Variants in WARS1 observed in about 807,000 individuals in gnomAD.
The protein encoded by WARS1 is tryptophan--tRNA ligase, cytoplasmic.
A neutral mutation model predicts 47.8 loss-of-function variants in WARS1; 17 were observed. The observed-to-expected ratio is 0.36, with a 90% CI of 0.24 to 0.53. The LOEUF (loss-of-function observed/expected upper bound fraction) is 0.53. WARS1 is among the 20% of genes least tolerant of loss of function. WARS1 has a pLI of 0.91. For missense variants in WARS1, 434 were observed against 608.0 expected (o/e 0.71, Z 3.01); for synonymous variants, 208 against 228.1 (o/e 0.91, Z 0.79).
chr14:100,344,023 GCCACCTT>G (rs1595415526), intron 7 of WARS1, among the ~76,000 whole-genome samples: 2 of 151,836 alleles, frequency 1.3e-5, no homozygotes, highest in African/African-American at 4.8e-5. Context: ...CCATTCTCTA[GCCACCTT>G]CCACCTTTAA....
chr14:100,334,762 C>G lies in WARS1; in HGVS notation c.*113G>C. On this transcript the variant is annotated 3_prime_UTR_variant, in exon 11 of 11. Transcript: ENST00000392882. ...CATACACAGGCTTACAGAGGCCAGGCCCAGTAATTACCATGAGACAGAAGC... is the reference window on the plus strand; with the variant it reads ...CATACACAGGCTTACAGAGGCCAGGGCCAGTAATTACCATGAGACAGAAGC... 1 of 1,288,548 alleles carries G rather than the reference C, an allele frequency of 7.8e-7. No homozygotes were observed. Among genetic ancestry groups the G allele is most frequent in the Non-Finnish European group, 1.1e-6 (1 of 923,250 alleles). The allele number at this position is 1,288,548 out of a possible 1,614,324, so 79.8% of individuals were successfully genotyped here. A position where few individuals can be genotyped will look rare whatever the true frequency, so the allele number is the denominator to read the frequency against.
At chr14:100,367,028 T>A in intron 2 of WARS1, 1 of 829,844 alleles carries the variant, frequency 1.2e-6, no homozygotes, top group East Asian at 2.7e-5. Flanking sequence ...TTAGTAAGAT[T>A]TAATACAGTA....
intron 4 of WARS1, 39 bp from the exon 5 acceptor site, chr14:100,354,605 G>C: frequency 6.4e-7 from 1 of 1,571,446 alleles, no homozygotes; most frequent in Non-Finnish European, 8.6e-7. Flanking sequence ...GTGATTTTCT[G>C]AGAAAAATAT....
rs758831134 is a variant in WARS1, at chr14:100,334,834, C to G, written c.*41G>C. The G allele has an allele frequency of 4.4e-6, 7 of 1,604,394 alleles. No individual in the cohort carries two copies. Among genetic ancestry groups the G allele is most frequent in the Non-Finnish European group, 6.0e-6 (7 of 1,173,854 alleles). Reference sequence around the variant, plus strand: ...CTGGGCTGGGATTATTGATACATTACTGATACATCACTTCTTTTATAAGCA... The same window carrying G: ...CTGGGCTGGGATTATTGATACATTAGTGATACATCACTTCTTTTATAAGCA... On this transcript the variant is annotated 3_prime_UTR_variant, in exon 11 of 11. Coordinates refer to ENST00000392882, the MANE Select transcript of WARS1 (RefSeq NM_004184.4).
intron 6 of WARS1, among the ~76,000 whole-genome samples, chr14:100,347,550 G>A (rs762794022): frequency 4.6e-5 from 7 of 152,154 alleles, no homozygotes; most frequent in Non-Finnish European, 8.8e-5. Context: ...ACAGTGGGGT[G>A]TAGGGGTTTG....
At chr14:100,343,442 T>C in intron 7 of WARS1, 55 bp from the exon 8 acceptor site, 1 of 1,343,828 alleles carries the variant, frequency 7.4e-7, no homozygotes, top group South Asian at 1.3e-5. Context: ...TTCTGCTTAG[T>C]TAATAAAGGA....
At chr14:100,339,620 A>T (rs1019189149) in intron 9 of WARS1, among the ~76,000 whole-genome samples, 7 of 151,650 alleles carry the variant, frequency 4.6e-5, no homozygotes, top group Admixed American at 4.6e-4. Flanking sequence ...GGAAAAAAAA[A>T]GTTATAGAAT....
intron 1 of WARS1, among the ~76,000 whole-genome samples, chr14:100,372,466 G>A (rs1225984904): frequency 6.6e-6 from 1 of 152,166 alleles, no homozygotes; most frequent in Non-Finnish European, 1.5e-5. Context: ...CCCAGAAAGG[G>A]AGGTTTGGTG....
Position 100,354,469 on chromosome 14 carries a change from G to A in WARS1, c.520C>T (p.Leu174Phe), listed in dbSNP as rs1191342508. 2 of 1,613,836 alleles carry A rather than the reference G, an allele frequency of 1.2e-6. No homozygotes were observed. The highest frequency in any genetic ancestry group is 1.7e-5 in the Admixed American group (1 of 59,936). ...PSSEAMHVGHLIPFIFTKWLQ... is the reference protein window; with the variant it reads ...PSSEAMHVGHFIPFIFTKWLQ... ...TACTTTGTGAAAATAAATGGAATGA[G>A]GTGACCTACATGCATTGCTTCAGAA... Residue 174 changes from leucine (L) to phenylalanine (F), a missense_variant, in exon 5 of 11, where the codon CTC (leucine) becomes TTC (phenylalanine). By Grantham distance (22) the Leu-to-Phe change is conservative. Around this residue, in one of 2 missense-constraint regions of WARS1, gnomAD observed 347 missense variants for 523.8 expected, o/e 0.66. Coordinates refer to ENST00000392882, the MANE Select transcript of WARS1 (RefSeq NM_004184.4).
chr14:100,345,340 T>C (rs1489337838), intron 7 of WARS1, among the ~76,000 whole-genome samples: 1 of 152,176 alleles, frequency 6.6e-6, no homozygotes, highest in African/African-American at 2.4e-5. Context: ...AAAATTCTTA[T>C]CCTGTTGATC....
chr14:100,343,477 A>C lies in WARS1; in HGVS notation c.827-90T>G, dbSNP rs887077135. The C allele has an allele frequency of 2.9e-5, 25 of 870,608 alleles. No homozygotes were observed. In the African/African-American group the frequency reaches 3.1e-4, roughly 11 times the overall value. 53.9% of individuals were successfully genotyped at this position (870,608 alleles called of 1,614,324 possible). On this transcript the variant is annotated intron_variant, in intron 7 of 10. Transcript: ENST00000392882. The stretch of plus-strand genomic sequence containing the variant: ...AATGAACAAAAACAGGTTTTCTCCC[A>C]TTATAAAACAATCATTAAAATAAAT...
intron 6 of WARS1, 123 bp from the exon 7 acceptor site, chr14:100,346,969 G>T: frequency 1.2e-6 from 1 of 815,244 alleles, no homozygotes; most frequent in Non-Finnish European, 2.0e-6. Flanking sequence ...CCACATTGTG[G>T]TCAACACGTA....
chr14:100,364,962 C>T (rs1043571988), intron 2 of WARS1, among the ~76,000 whole-genome samples: 2 of 152,040 alleles, frequency 1.3e-5, no homozygotes, highest in Non-Finnish European at 2.9e-5. Flanking sequence ...TCTTTCAGTA[C>T]TATTTATTTC....
At chr14:100,370,115 C>T (rs908130200) in intron 1 of WARS1, among the ~76,000 whole-genome samples, 3 of 152,156 alleles carry the variant, frequency 2.0e-5, no homozygotes, top group South Asian at 4.1e-4. Context: ...CCTTACCTGT[C>T]CTAGGTTCCA....
rs1894300801 is a variant in WARS1 at position 100,343,317 on chromosome 14, G to A, written c.897C>T (p.Asp299=). 6.2e-7 allele frequency: 1 copy of A among 1,613,368 alleles called. No individual in the cohort carries two copies. Among genetic ancestry groups the A allele is most frequent in the African/African-American group, 1.3e-5 (1 of 75,028 alleles). Residue 299 remains aspartate, a synonymous_variant, in exon 8 of 11, where the codon GAC becomes GAT. Coordinates refer to ENST00000392882, the MANE Select transcript of WARS1 (RefSeq NM_004184.4). The part of the protein sequence containing the change: ...FSNSFPQIFR[D]RTDIQCLIPC... ...GGATAAGGCACTGGATATCCGTCCT[G>A]TCTCGGAAGATCTGTGGGAATGAGT... is the stretch of plus-strand genomic sequence containing the variant.
chr14:100,371,175 T>C (rs1896323330), intron 1 of WARS1, among the ~76,000 whole-genome samples: 1 of 152,124 alleles, frequency 6.6e-6, no homozygotes, highest in South Asian at 2.1e-4. Context: ...TGGCTGGGTG[T>C]GGTGGCTCAC....
chr14:100,366,564 C>T, intron 2 of WARS1: 2 of 626,178 alleles, frequency 3.2e-6, no homozygotes, highest in Non-Finnish European at 5.8e-6. Flanking sequence ...ATATGGAAAA[C>T]TACCATTAAG....
chr14:100,350,449 T>A (rs1275128574), intron 6 of WARS1, among the ~76,000 whole-genome samples: 1 of 142,452 alleles, frequency 7.0e-6, no homozygotes, highest in Non-Finnish European at 1.5e-5. Context: ...TGGAGGCTGG[T>A]CAGGAGCTGC....
chr14:100,335,099 C>A (rs1893626093), intron 10 of WARS1, 63 bp from the exon 11 acceptor site: 2 of 1,548,590 alleles, frequency 1.3e-6, no homozygotes, highest in South Asian at 2.4e-5. Flanking sequence ...CTCCTTCCTG[C>A]CTCGGGCACC....
Sources: gnomAD v4.1 joint callset for allele counts (sites outside exome capture counted in the v4.1 genomes callset) on GRCh38, gnomAD v4.1.1 for gene constraint, gnomAD v4.1.1 regional missense constraint, MANE v1.5 for transcripts, NCBI Gene and HGNC (gene_info 2026-07-23, HGNC 2026-07-21) for gene names.